The following ATG4C variants were observed in gnomAD, a reference collection of about 807,000 sequenced individuals.
The protein encoded by ATG4C is cysteine protease ATG4C.
Under a neutral mutation model 57.6 loss-of-function variants are expected in ATG4C, and 56 were observed. That is an observed-to-expected ratio of 0.97 (90% CI 0.78 to 1.21). ATG4C has a LOEUF of 1.21. Among genes scored for constraint, ATG4C ranks in the 50% most tolerant of loss-of-function variants. The pLI, the probability that ATG4C is intolerant of heterozygous loss-of-function variation, is 0.00. For synonymous variants in ATG4C, 157 were observed against 174.1 expected, an observed-to-expected ratio of 0.90 and a Z score of 0.78; for missense variants, 595 against 529.8, an observed-to-expected ratio of 1.12 and a Z score of -1.21.
At chr1:62,827,202 C>T (rs887375012) in intron 6 of ATG4C, among the ~76,000 whole-genome samples, 19 of 152,036 alleles carry the variant, frequency 1.2e-4, no homozygotes, top group Non-Finnish European at 1.5e-5. Flanking sequence ...CTTCATTCTC[C>T]CCTATAACTA....
At chr1:62,847,009 T>G (rs2100352088) in intron 10 of ATG4C, among the ~76,000 whole-genome samples, 1 of 152,232 alleles carries the variant, frequency 6.6e-6, no homozygotes, top group South Asian at 2.1e-4. Flanking sequence ...AAACTCCGTC[T>G]CTACTAAAAA....
At chr1:62,828,835 G>A (rs1049568645) in intron 6 of ATG4C, among the ~76,000 whole-genome samples, 19 of 152,028 alleles carry the variant, frequency 1.2e-4, no homozygotes, top group African/African-American at 3.4e-4. Context: ...TATATATGGT[G>A]TAAGGAAGTG....
intron 3 of ATG4C, among the ~76,000 whole-genome samples, chr1:62,816,106 T>C (rs1366002544): frequency 1.3e-5 from 2 of 152,202 alleles, no homozygotes; most frequent in Admixed American, 6.6e-5. Flanking sequence ...TTTGTGTATC[T>C]GAAAACGTCT....
chr1:62,849,241 C>T (rs74078343), intron 10 of ATG4C, among the ~76,000 whole-genome samples: 1 of 152,200 alleles, frequency 6.6e-6, no homozygotes, highest in African/African-American at 2.4e-5. Flanking sequence ...CCTGCTTTGC[C>T]CAGCCCCATC....
At chr1:62,798,364 T>C (rs1664542470) in intron 1 of ATG4C, among the ~76,000 whole-genome samples, 1 of 152,246 alleles carries the variant, frequency 6.6e-6, no homozygotes, top group Non-Finnish European at 1.5e-5. Flanking sequence ...TACTAAATTC[T>C]TAAATACGCT....
In ATG4C at chr1:62,819,062, C is replaced by T. The variant is rs760027514; in HGVS notation, c.452C>T (p.Ser151Phe). 8.7e-6 allele frequency: 14 copies of T among 1,603,878 alleles called. No individual in the cohort carries two copies. The highest frequency in any genetic ancestry group is 2.7e-5 in the African/African-American group (2 of 74,654). Residue 151 changes from serine to phenylalanine, a missense_variant, in exon 5 of 11, where the codon TCC becomes TTC. Ser to Phe is a radical substitution (Grantham distance 155). Transcript: ENST00000317868. ...IENSDSESWT[S>F]HTVKKFTASF... ...AATTCAGACTCTGAATCATGGACTT[C>T]CCACACTGTCAAAAAATTTACTGCA...
At chr1:62,850,870 A>ATGTGTG (rs1557992624) in intron 10 of ATG4C, among the ~76,000 whole-genome samples, 4 of 83,502 alleles carry the variant, frequency 4.8e-5, no homozygotes, top group Non-Finnish European at 7.8e-5. Flanking sequence ...ATATATATAT[A>ATGTGTG]TATATATATA....
intron 9 of ATG4C, among the ~76,000 whole-genome samples, chr1:62,840,578 A>G (rs1259391264): frequency 6.6e-6 from 1 of 152,198 alleles, no homozygotes; most frequent in Non-Finnish European, 1.5e-5. Flanking sequence ...ATTTTTAAAC[A>G]TAGTACTAAG....
intron 1 of ATG4C, among the ~76,000 whole-genome samples, chr1:62,801,795 A>G (rs1319456763): frequency 6.6e-6 from 1 of 151,792 alleles, no homozygotes; most frequent in Non-Finnish European, 1.5e-5. Flanking sequence ...CGTCTCTACT[A>G]AAAGTACAAA....
chr1:62,812,867 C>T (rs1249766586), intron 3 of ATG4C, among the ~76,000 whole-genome samples: 2 of 152,118 alleles, frequency 1.3e-5, no homozygotes, highest in African/African-American at 4.8e-5. Context: ...AACTCCCATT[C>T]ACAATTGCCA....
intron 1 of ATG4C, among the ~76,000 whole-genome samples, chr1:62,798,580 G>A (rs1664549188): frequency 6.6e-6 from 1 of 152,020 alleles, no homozygotes; most frequent in South Asian, 2.1e-4. Context: ...TGGCTCAAGG[G>A]ATCATCTTTC....
At chr1:62,857,861 G>A (rs1169743800) in intron 10 of ATG4C, among the ~76,000 whole-genome samples, 4 of 152,210 alleles carry the variant, frequency 2.6e-5, no homozygotes, top group South Asian at 4.2e-4. Flanking sequence ...CCAAATACTC[G>A]CTTTTCTAGC....
At chr1:62,844,928 G>C (rs1283930968) in intron 10 of ATG4C, among the ~76,000 whole-genome samples, 2 of 151,862 alleles carry the variant, frequency 1.3e-5, no homozygotes, top group Non-Finnish European at 2.9e-5. Context: ...CATTTAAACA[G>C]CTGAATAGTG....
At chr1:62,829,620 T>C (rs1057185032) in intron 7 of ATG4C, among the ~76,000 whole-genome samples, 1 of 152,130 alleles carries the variant, frequency 6.6e-6, no homozygotes, top group Non-Finnish European at 1.5e-5. Flanking sequence ...ATTATTTCTA[T>C]AGCTAGAAAT....
chr1:62,824,082 C>A (rs1665570058), intron 6 of ATG4C, among the ~76,000 whole-genome samples: 1 of 151,960 alleles, frequency 6.6e-6, no homozygotes, highest in African/African-American at 2.4e-5. Flanking sequence ...GGTTGAGATT[C>A]GCTGCTGTAA....
At chr1:62,811,259 G>A (rs986277045) in intron 3 of ATG4C, among the ~76,000 whole-genome samples, 11 of 152,292 alleles carry the variant, frequency 7.2e-5, no homozygotes, top group African/African-American at 2.6e-4. Context: ...TTAATTTCTA[G>A]TAATATTAGA....
chr1:62,841,595 G>T (rs1197941070), intron 10 of ATG4C, 48 bp downstream of exon 10: 9 of 1,424,066 alleles, frequency 6.3e-6, no homozygotes, highest in Non-Finnish European at 7.5e-6. Context: ...AATTTTATTA[G>T]AAACAGACTG....
chr1:62,790,444 A>C (rs1664238687), intron 1 of ATG4C, among the ~76,000 whole-genome samples: 1 of 152,346 alleles, frequency 6.6e-6, no homozygotes, highest in African/African-American at 2.4e-5. Context: ...CCAGCAACAG[A>C]TTTACCAAGT....
intron 10 of ATG4C, among the ~76,000 whole-genome samples, chr1:62,848,951 T>C (rs370868362): frequency 1.3e-5 from 2 of 152,226 alleles, no homozygotes; most frequent in South Asian, 4.1e-4. Context: ...CAGGACACTT[T>C]TGAAAATTTT....
Sources: allele counts gnomAD v4.1 joint callset (sites outside exome capture counted in the v4.1 genomes callset), GRCh38; gene constraint gnomAD v4.1.1; transcripts MANE v1.5; gene names NCBI Gene and HGNC (gene_info 2026-07-23, HGNC 2026-07-21).